CDH13: variants seen among roughly 807,000 people sequenced by gnomAD.
CDH13 encodes the protein cadherin-13.
CDH13 carries 24 observed loss-of-function variants against 63.8 expected under a neutral mutation model. That is an observed-to-expected ratio of 0.38 (90% CI 0.27 to 0.53). The LOEUF is 0.53. Among genes scored for constraint, CDH13 ranks in the 20% least tolerant of loss-of-function variants. CDH13 has a pLI of 0.85. For synonymous variants in CDH13, 503 were observed against 355.3 expected (o/e 1.42, Z -4.67); for missense variants, 1,049 against 903.1 (o/e 1.16, Z -2.07).
intron 1 of CDH13, among the ~76,000 whole-genome samples, chr16:82,855,261 G>A (rs891082033): frequency 2.6e-5 from 4 of 152,162 alleles, no homozygotes; most frequent in Non-Finnish European, 5.9e-5. Context: ...CTCAGAGATT[G>A]AGCCACACAT....
At chr16:82,833,315 C>G (rs904457316) in intron 1 of CDH13, among the ~76,000 whole-genome samples, 2 of 152,210 alleles carry the variant, frequency 1.3e-5, no homozygotes, top group African/African-American at 4.8e-5. Context: ...AAATAATTCT[C>G]ACTGACATTT....
chr16:83,476,534 G>A (rs182194376), intron 6 of CDH13, among the ~76,000 whole-genome samples: 20 of 152,278 alleles, frequency 1.3e-4, no homozygotes, highest in Admixed American at 3.9e-4. Flanking sequence ...TTAGCAAGGC[G>A]TGGTGGCGCA....
chr16:83,122,751 C>A (rs538776865), intron 3 of CDH13, among the ~76,000 whole-genome samples: 4 of 151,848 alleles, frequency 2.6e-5, no homozygotes, highest in South Asian at 2.1e-4. Context: ...CTATCTATTA[C>A]CCTAGATAAA....
Position 82,835,443 on chromosome 16 carries a change from C to A in CDH13, c.46-22919C>A, listed in dbSNP as rs184813475. Among the ~76,000 whole-genome samples, 254 of 152,308 alleles carry A rather than the reference C, an allele frequency of 1.7e-3. 2 individuals carry two copies. The highest frequency in any genetic ancestry group is 5.8e-3 in the African/African-American group (240 of 41,572). The stretch of plus-strand genomic sequence containing the variant: ...TTAGCTGGAGGGACCATATTCCAAG[C>A]TGCAAATATTGTACCCACCCAGCAA... On this transcript the variant is annotated intron_variant, in intron 1 of 13. Coordinates refer to ENST00000567109, the MANE Select transcript of CDH13 (RefSeq NM_001257.5).
chr16:83,168,187 C>G (rs1393694827), intron 4 of CDH13, among the ~76,000 whole-genome samples: 1 of 151,886 alleles, frequency 6.6e-6, no homozygotes, highest in Non-Finnish European at 1.5e-5. Context: ...CCCGCTGAAT[C>G]TAAAACGAAA....
intron 4 of CDH13, among the ~76,000 whole-genome samples, chr16:83,153,324 G>T (rs541906476): frequency 6.6e-6 from 1 of 152,038 alleles, no homozygotes; most frequent in Admixed American, 6.6e-5. Context: ...TCTCTATCTG[G>T]GTGGTGCCAG....
At chr16:83,347,072 A>G (rs1371512036) in intron 6 of CDH13, among the ~76,000 whole-genome samples, 1 of 152,204 alleles carries the variant, frequency 6.6e-6, no homozygotes, top group Non-Finnish European at 1.5e-5. Flanking sequence ...AGACTTTCAA[A>G]CAAAAAGCCA....
intron 2 of CDH13, among the ~76,000 whole-genome samples, chr16:82,927,589 C>T (rs1363097274): frequency 2.0e-5 from 3 of 152,216 alleles, no homozygotes; most frequent in Admixed American, 2.0e-4. Context: ...CTCCAGCTTA[C>T]ATTTTACTTT....
At chr16:83,781,668 G>A (rs1915532521) in intron 12 of CDH13, among the ~76,000 whole-genome samples, 1 of 151,852 alleles carries the variant, frequency 6.6e-6, no homozygotes, top group Non-Finnish European at 1.5e-5. Flanking sequence ...TCTTGTTTGA[G>A]GGGTTAGTGT....
chr16:83,045,475 A>G (rs767430769), intron 3 of CDH13, among the ~76,000 whole-genome samples: 1 of 151,882 alleles, frequency 6.6e-6, no homozygotes, highest in Non-Finnish European at 1.5e-5. Context: ...TATCTCTACT[A>G]AAAATACAAA....
intron 1 of CDH13, among the ~76,000 whole-genome samples, chr16:82,725,561 T>C (rs2033048274): frequency 1.3e-5 from 2 of 152,228 alleles, no homozygotes; most frequent in African/African-American, 2.4e-5. Flanking sequence ...CATAAAACTA[T>C]AAGCCTCATT....
chr16:83,621,156 C>T (rs2150777758), intron 8 of CDH13, among the ~76,000 whole-genome samples: 1 of 152,304 alleles, frequency 6.6e-6, no homozygotes, highest in African/African-American at 2.4e-5. Flanking sequence ...CAACTCTCAA[C>T]CCTCTGCTAA....
intron 3 of CDH13, among the ~76,000 whole-genome samples, chr16:83,121,343 C>T (rs1213963647): frequency 6.6e-6 from 1 of 152,202 alleles, no homozygotes; most frequent in Non-Finnish European, 1.5e-5. Context: ...AATATTCTCT[C>T]TGCTAGCTAG....
At chr16:83,537,843 C>G (rs905212260) in intron 7 of CDH13, among the ~76,000 whole-genome samples, 14 of 152,254 alleles carry the variant, frequency 9.2e-5, no homozygotes, top group African/African-American at 3.1e-4. Flanking sequence ...CCCATGTTTC[C>G]TACCATATTT....
intron 5 of CDH13, among the ~76,000 whole-genome samples, chr16:83,271,365 C>G (rs1455957658): frequency 8.3e-6 from 1 of 121,190 alleles, no homozygotes; most frequent in Non-Finnish European, 1.6e-5. Flanking sequence ...AGGCCACCAG[C>G]AACATTCTTG....
chr16:83,536,559 C>A (rs994315148), intron 7 of CDH13, among the ~76,000 whole-genome samples: 4 of 151,922 alleles, frequency 2.6e-5, no homozygotes, highest in Non-Finnish European at 4.4e-5. Context: ...ACCCATGGAA[C>A]CTTGTAGAAC....
Position 83,763,899 on chromosome 16 carries a change from A to G in CDH13, c.1681+15649A>G, listed in dbSNP as rs114839267. On this transcript the variant is annotated intron_variant, in intron 11 of 13. Transcript: ENST00000567109. ...GGGGCAGCACACTGGGTCCACTGAG[A>G]TAATGGAGCCTAGTGCCATCTACAC... 3.5e-3 allele frequency among the ~76,000 whole-genome samples: 531 copies of G among 151,758 alleles called. 2 individuals carry two copies. Among genetic ancestry groups the G allele is most frequent in the African/African-American group, 0.012 (510 of 41,346 alleles).
intron 1 of CDH13, among the ~76,000 whole-genome samples, chr16:82,821,138 A>G (rs575891605): frequency 3.3e-5 from 5 of 152,210 alleles, no homozygotes; most frequent in Non-Finnish European, 7.3e-5. Context: ...CAGCAACAAC[A>G]TTAGCTGAAG....
chr16:83,151,225 A>G (rs1188790380), intron 4 of CDH13, among the ~76,000 whole-genome samples: 1 of 152,236 alleles, frequency 6.6e-6, no homozygotes, highest in East Asian at 1.9e-4. Flanking sequence ...ATAATTGAAC[A>G]GTGGTGACAC....
Sources: gnomAD v4.1 joint callset for allele counts (sites outside exome capture counted in the v4.1 genomes callset) on GRCh38, gnomAD v4.1.1 for gene constraint, MANE v1.5 for transcripts, NCBI Gene and HGNC (gene_info 2026-07-23, HGNC 2026-07-21) for gene names.